GRK5: variants seen among roughly 807,000 people sequenced by gnomAD.
The protein encoded by GRK5 is g protein-coupled receptor kinase GRK5.
Under a neutral mutation model 78.4 loss-of-function variants are expected in GRK5, and 40 were observed. The ratio of observed to expected loss-of-function variants is 0.51; its 90% CI spans 0.40 to 0.66. The LOEUF (loss-of-function observed/expected upper bound fraction) is 0.66. Ranked by LOEUF, GRK5 falls within the 30% of genes least tolerant of loss-of-function variation. GRK5 has a pLI of 0.00. For missense variants in GRK5, 598 were observed against 759.9 expected, an observed-to-expected ratio of 0.79 and a Z score of 2.50; for synonymous variants, 289 against 296.8, an observed-to-expected ratio of 0.97 and a Z score of 0.27.
chr10:119,247,311 A>C (rs1285244541), intron 1 of GRK5, among the ~76,000 whole-genome samples: 7 of 152,236 alleles, frequency 4.6e-5, no homozygotes, highest in Non-Finnish European at 8.8e-5. Flanking sequence ...ATCCAGAAAA[A>C]TACGATGACC....
At chr10:119,382,923 C>CTTTTTTT (rs71016567) in intron 3 of GRK5, among the ~76,000 whole-genome samples, 1 of 149,032 alleles carries the variant, frequency 6.7e-6, no homozygotes, top group Non-Finnish European at 1.5e-5. Flanking sequence ...ATATTTCTTT[C>CTTTTTTT]TTTTTTTTTT....
At chr10:119,453,326 G>C in intron 15 of GRK5, 50 bp downstream of exon 15, 1 of 1,608,030 alleles carries the variant, frequency 6.2e-7, no homozygotes, top group African/African-American at 1.3e-5. Context: ...GAGACCCCTG[G>C]CTCACTTCCA....
chr10:119,339,223 T>C (rs1291070198), intron 2 of GRK5, among the ~76,000 whole-genome samples: 1 of 152,114 alleles, frequency 6.6e-6, no homozygotes, highest in East Asian at 1.9e-4. Flanking sequence ...TTAAGGCCCC[T>C]CACTGAAAAT....
chr10:119,264,656 C>T lies in GRK5; in HGVS notation c.52+56687C>T, dbSNP rs1849464650. Among the ~76,000 whole-genome samples the T allele has an allele frequency of 6.6e-6, 1 of 152,130 alleles. No homozygotes were observed. Among genetic ancestry groups the T allele is most frequent in the Non-Finnish European group, 1.5e-5 (1 of 68,020 alleles). On this transcript the variant is annotated intron_variant, in intron 1 of 15. Coordinates refer to ENST00000392870, the MANE Select transcript of GRK5 (RefSeq NM_005308.3). The surrounding 1 kb of genome is among the most constrained non-coding windows in gnomAD (Gnocchi z 4.1). Reference sequence around the variant, plus strand: ...ATTGATCGTCATGGACAGGGGTTCACGTTCTGTGCTTCGTGAGATCTGAGT... The same window carrying T: ...ATTGATCGTCATGGACAGGGGTTCATGTTCTGTGCTTCGTGAGATCTGAGT...
chr10:119,263,009 A>G (rs1449426997), intron 1 of GRK5, among the ~76,000 whole-genome samples: 1 of 151,972 alleles, frequency 6.6e-6, no homozygotes, highest in Admixed American at 6.6e-5. Flanking sequence ...GAGATTCACA[A>G]TGTACATTTT....
At chr10:119,365,670 T>C (rs1467293647) in intron 2 of GRK5, among the ~76,000 whole-genome samples, 1 of 152,202 alleles carries the variant, frequency 6.6e-6, no homozygotes, top group African/African-American at 2.4e-5. Flanking sequence ...AGCCTTCCCC[T>C]ACCCGGCCTC....
In GRK5 at chr10:119,431,631, T is replaced by A; in HGVS notation, c.738+104T>A. On this transcript the variant is annotated intron_variant, in intron 8 of 15. Coordinates refer to ENST00000392870, the MANE Select transcript of GRK5 (RefSeq NM_005308.3). The surrounding 1 kb of genome is among the most constrained non-coding windows in gnomAD (Gnocchi z 4.8). ...CTCTAATGCGGCCGGTCCCCACCCC[T>A]GGGAAGGGGAATGCCAGTGGCAGCG... 1 of 1,359,348 alleles carries A rather than the reference T, an allele frequency of 7.4e-7. No homozygotes were observed. The highest frequency in any genetic ancestry group is 1.0e-6 in the Non-Finnish European group (1 of 1,002,366). 84.2% of individuals were successfully genotyped at this position (1,359,348 alleles called of 1,614,324 possible).
At chr10:119,448,698 G>A (rs1853211411) in intron 13 of GRK5, among the ~76,000 whole-genome samples, 1 of 152,092 alleles carries the variant, frequency 6.6e-6, no homozygotes. Context: ...CACTACTGTT[G>A]ACGCCAGGTT....
At chr10:119,417,059 A>G (rs191052053) in intron 4 of GRK5, among the ~76,000 whole-genome samples, 10 of 152,306 alleles carry the variant, frequency 6.6e-5, no homozygotes, top group Admixed American at 6.5e-4. Flanking sequence ...TAGGGAAGCA[A>G]TGGCACCACC....
intron 1 of GRK5, among the ~76,000 whole-genome samples, chr10:119,243,566 C>CTTTCTTTTTTTTTTTTTTTTT (rs751972415): frequency 1.4e-5 from 2 of 147,942 alleles, no homozygotes; most frequent in African/African-American, 5.0e-5. Context: ...CCCAGTTTTT[C>CTTTCTTTTTTTTTTTTTTTTT]TTTTTTTTTT....
chr10:119,340,759 CT>C (rs1375183270), intron 2 of GRK5, among the ~76,000 whole-genome samples: 1 of 152,206 alleles, frequency 6.6e-6, no homozygotes, highest in African/African-American at 2.4e-5. Flanking sequence ...GCCACTTAAC[CT>C]TGATTTGCTC....
chr10:119,283,654 A>G (rs1313127708), intron 1 of GRK5, among the ~76,000 whole-genome samples: 4 of 152,114 alleles, frequency 2.6e-5, no homozygotes, highest in African/African-American at 7.2e-5. Context: ...CTCTGGGAAC[A>G]TTGCCTTCTT....
intron 3 of GRK5, among the ~76,000 whole-genome samples, chr10:119,389,315 T>G (rs1317274172): frequency 6.6e-6 from 1 of 152,228 alleles, no homozygotes; most frequent in Non-Finnish European, 1.5e-5. Flanking sequence ...CTAAGTATTC[T>G]GCTTCTCTTG....
At chr10:119,333,440 A>T (rs1850818647) in intron 2 of GRK5, 1 of 214,368 alleles carries the variant, frequency 4.7e-6, no homozygotes, top group South Asian at 6.3e-5. Flanking sequence ...CAGTGATGTC[A>T]GGTTTTCACA....
intron 4 of GRK5, among the ~76,000 whole-genome samples, chr10:119,416,508 G>T: frequency 6.6e-6 from 1 of 152,104 alleles, no homozygotes; most frequent in East Asian, 1.9e-4. Flanking sequence ...TGGCCCTGCA[G>T]TCCAGCTTCT....
chr10:119,303,905 A>G (rs1054733153), intron 1 of GRK5, among the ~76,000 whole-genome samples: 1 of 152,028 alleles, frequency 6.6e-6, no homozygotes, highest in Non-Finnish European at 1.5e-5. Flanking sequence ...GGCTCCTTTG[A>G]TCACTCATCT....
rs189157176 is a variant in GRK5 at position 119,430,551 on chromosome 10, G to C, written c.597+113G>C. On this transcript the variant is annotated intron_variant, in intron 7 of 15. Coordinates refer to ENST00000392870, the MANE Select transcript of GRK5 (RefSeq NM_005308.3). This position sits in a 1 kb window ranked among gnomAD's most constrained non-coding sequence, Gnocchi z 4.5. ...CACGGGTCCCCCGGGGGCACCAGTG[G>C]CTCAATGTGGGCCCCGGGGGCAGTG... 468 of 862,752 alleles carry C rather than the reference G, an allele frequency of 5.4e-4. 4 individuals carry two copies. The African/African-American group carries it at 6.7e-3, about 12-fold the overall frequency. The allele number at this position is 862,752 out of a possible 1,614,324, so 53.4% of individuals were successfully genotyped here.
At chr10:119,393,025 A>C (rs1851911418) in intron 3 of GRK5, among the ~76,000 whole-genome samples, 1 of 152,178 alleles carries the variant, frequency 6.6e-6, no homozygotes, top group South Asian at 2.1e-4. Flanking sequence ...AGCCGTGTGG[A>C]GTGTGATCTG....
chr10:119,384,385 T>A (rs1044846586), intron 3 of GRK5, among the ~76,000 whole-genome samples: 1 of 152,196 alleles, frequency 6.6e-6, no homozygotes, highest in Non-Finnish European at 1.5e-5. Flanking sequence ...AGAGATAGGA[T>A]GCCAAGACAA....
Sources: gnomAD v4.1 joint callset for allele counts (sites outside exome capture counted in the v4.1 genomes callset) on GRCh38, gnomAD v4.1.1 for gene constraint, Gnocchi (gnomAD v3.1) non-coding constraint, MANE v1.5 for transcripts, NCBI Gene and HGNC (gene_info 2026-07-23, HGNC 2026-07-21) for gene names.